Variants in PPP3CA observed in about 807,000 individuals in gnomAD.
PPP3CA encodes CAM-PRP catalytic subunit.
A neutral mutation model predicts 66.5 loss-of-function variants in PPP3CA; 14 were observed. That is an observed-to-expected ratio of 0.21 (90% CI 0.14 to 0.33). PPP3CA has a LOEUF of 0.33. Among genes scored for constraint, PPP3CA ranks in the 10% least tolerant of loss-of-function variants. The pLI, the probability that PPP3CA is intolerant of heterozygous loss-of-function variation, is 1.00. For synonymous variants in PPP3CA, 232 were observed against 226.2 expected (o/e 1.03, Z -0.23); for missense variants, 317 against 639.5 (o/e 0.50, Z 5.44).
At position 101,140,791 on chromosome 4, in the gene PPP3CA, C is replaced by T. The variant is rs75420874; in HGVS notation, c.260-31713G>A. Among the ~76,000 whole-genome samples, 579 of 152,240 alleles carry T rather than the reference C, an allele frequency of 3.8e-3. 5 individuals carry two copies. Among genetic ancestry groups the T allele is most frequent in the African/African-American group, 0.013 (547 of 41,554 alleles). On this transcript the variant is annotated intron_variant, in intron 2 of 13. Transcript: ENST00000394854. ...CATTCCCAATATGTGTACACAGTAA[C>T]AGAATTATGATTCTGTCTCTCCATC...
rs1466335012 is a variant in PPP3CA, at chr4:101,025,522, C to G, written c.*343G>C. 2 of 171,778 alleles carry G rather than the reference C, an allele frequency of 1.2e-5. No individual in the cohort carries two copies. Among genetic ancestry groups the G allele is most frequent in the Admixed American group, 6.2e-5 (1 of 16,184 alleles). The allele number at this position is 171,778 out of a possible 1,614,324, so 10.6% of individuals were successfully genotyped here. A position where few individuals can be genotyped will look rare whatever the true frequency, so the allele number is the denominator to read the frequency against. On this transcript the variant is annotated 3_prime_UTR_variant, in exon 14 of 14. Coordinates refer to ENST00000394854, the MANE Select transcript of PPP3CA (RefSeq NM_000944.5). ...ACAGAATAAAAGGCCTTTCATTAAC[C>G]TATCTAGAAGTCCCCAATGCAGTAG...
At chr4:101,255,291 C>T (rs1726804804) in intron 1 of PPP3CA, among the ~76,000 whole-genome samples, 1 of 151,838 alleles carries the variant, frequency 6.6e-6, no homozygotes, top group Admixed American at 6.6e-5. Flanking sequence ...CAAAATCTTC[C>T]TAATTTCTTA....
chr4:101,297,488 A>C (rs896660632), intron 1 of PPP3CA, among the ~76,000 whole-genome samples: 6 of 152,180 alleles, frequency 3.9e-5, no homozygotes, highest in Admixed American at 3.9e-4. Flanking sequence ...AGGTGACAGA[A>C]GTGGGCCCAA....
intron 2 of PPP3CA, among the ~76,000 whole-genome samples, chr4:101,194,991 G>A (rs912652891): frequency 1.3e-5 from 2 of 151,934 alleles, no homozygotes; most frequent in African/African-American, 2.4e-5. Context: ...AAAATAAAAA[G>A]GCCCGGAGTG....
intron 2 of PPP3CA, among the ~76,000 whole-genome samples, chr4:101,191,537 A>T (rs1441881611): frequency 6.6e-6 from 1 of 152,170 alleles, no homozygotes; most frequent in African/African-American, 2.4e-5. Flanking sequence ...GACAGGCCCT[A>T]AAGATTTGGC....
chr4:101,065,973 G>C (rs1578415256), intron 8 of PPP3CA, among the ~76,000 whole-genome samples: 1 of 152,066 alleles, frequency 6.6e-6, no homozygotes, highest in East Asian at 1.9e-4. Context: ...TATTTACTGA[G>C]TATCTGATAT....
rs77940598 is a variant in PPP3CA at position 101,188,070 on chromosome 4, T to C, written c.259+7846A>G. On this transcript the variant is annotated intron_variant, in intron 2 of 13. Transcript: ENST00000394854. Reference sequence around the variant, plus strand: ...CCACCAGATGGCATCTTAAATTAGATAGCACATTCAGAGATCGTGAGAGTT... The same window carrying C: ...CCACCAGATGGCATCTTAAATTAGACAGCACATTCAGAGATCGTGAGAGTT... Among the ~76,000 whole-genome samples the C allele has an allele frequency of 2.2e-3, 339 of 152,232 alleles. 1 individual carries two copies. The highest frequency in any genetic ancestry group is 5.1e-3 in the African/African-American group (212 of 41,564).
chr4:101,282,464 C>T (rs1301698190), intron 1 of PPP3CA, among the ~76,000 whole-genome samples: 1 of 152,150 alleles, frequency 6.6e-6, no homozygotes, highest in African/African-American at 2.4e-5. Flanking sequence ...TTCCACTGGC[C>T]TGTTCTAAAT....
At chr4:101,160,545 G>C (rs1723471601) in intron 2 of PPP3CA, among the ~76,000 whole-genome samples, 1 of 152,036 alleles carries the variant, frequency 6.6e-6, no homozygotes, top group Non-Finnish European at 1.5e-5. Flanking sequence ...TACTCGAGAA[G>C]CAAAACAAGT....
At chr4:101,301,274 T>C (rs561399994) in intron 1 of PPP3CA, among the ~76,000 whole-genome samples, 1 of 151,828 alleles carries the variant, frequency 6.6e-6, no homozygotes, top group South Asian at 2.1e-4. Context: ...ATTCAATTGA[T>C]TTAATGTCAA....
At chr4:101,026,505 G>A (rs1467083602) in intron 13 of PPP3CA, among the ~76,000 whole-genome samples, 1 of 152,052 alleles carries the variant, frequency 6.6e-6, no homozygotes, top group African/African-American at 2.4e-5. Flanking sequence ...CAAATTCAGT[G>A]GAATCAGTAT....
intron 10 of PPP3CA, among the ~76,000 whole-genome samples, chr4:101,048,390 G>A (rs1727859297): frequency 6.6e-6 from 1 of 151,580 alleles, no homozygotes; most frequent in African/African-American, 2.4e-5. Context: ...TCTATTTCTA[G>A]AGTTGACAGC....
At chr4:101,222,461 T>A (rs1725657272) in intron 1 of PPP3CA, among the ~76,000 whole-genome samples, 1 of 151,648 alleles carries the variant, frequency 6.6e-6, no homozygotes, top group East Asian at 1.9e-4. Context: ...AGTCCATAAA[T>A]ACAATAATAC....
At chr4:101,246,972 A>G (rs1040974396) in intron 1 of PPP3CA, among the ~76,000 whole-genome samples, 18 of 152,192 alleles carry the variant, frequency 1.2e-4, no homozygotes, top group Non-Finnish European at 1.5e-5. Context: ...CCTTATGAGA[A>G]AAACAAAGTA....
chr4:101,069,852 T>C (rs1239325545), intron 8 of PPP3CA, among the ~76,000 whole-genome samples: 2 of 152,222 alleles, frequency 1.3e-5, no homozygotes, highest in Admixed American at 6.5e-5. Flanking sequence ...GTTTTGTGTA[T>C]TATATACTAT....
rs1729930982 is a variant in PPP3CA, at chr4:101,344,909, GCTAC to G, written c.58+1826_58+1829del. Among the ~76,000 whole-genome samples the G allele has an allele frequency of 1.2e-4, 19 of 152,262 alleles. No individual in the cohort carries two copies. The South Asian group carries it at 3.9e-3, about 32-fold the overall frequency. Reference sequence around the variant, plus strand: ...TGTTTTGATCTTAACCTAGATTGGAGCTACATCTAAACTTCACACATTAAGGAGA... The same window carrying G: ...TGTTTTGATCTTAACCTAGATTGGAGATCTAAACTTCACACATTAAGGAGA... On this transcript the variant is annotated intron_variant, in intron 1 of 13. Coordinates refer to ENST00000394854, the MANE Select transcript of PPP3CA (RefSeq NM_000944.5).
chr4:101,218,687 A>G (rs191722246), intron 1 of PPP3CA, among the ~76,000 whole-genome samples: 2 of 152,178 alleles, frequency 1.3e-5, no homozygotes, highest in African/African-American at 2.4e-5. Flanking sequence ...CAACATCCCG[A>G]TAAGATAGGA....
intron 1 of PPP3CA, among the ~76,000 whole-genome samples, chr4:101,335,272 G>A (rs773064765): frequency 7.2e-5 from 11 of 151,752 alleles, no homozygotes; most frequent in Non-Finnish European, 1.3e-4. Context: ...ATTCAATGGC[G>A]TTAGGAGCAG....
At chr4:101,204,319 AT>A (rs1489569655) in intron 1 of PPP3CA, among the ~76,000 whole-genome samples, 7 of 152,006 alleles carry the variant, frequency 4.6e-5, no homozygotes, top group Middle Eastern at 3.4e-3. Flanking sequence ...GATTTTTTTA[AT>A]GTTGTTCAAA....
Sources: gnomAD v4.1 joint callset for allele counts (sites outside exome capture counted in the v4.1 genomes callset) on GRCh38, gnomAD v4.1.1 for gene constraint, MANE v1.5 for transcripts, NCBI Gene and HGNC (gene_info 2026-07-23, HGNC 2026-07-21) for gene names.